ZNF124: variants seen among roughly 807,000 people sequenced by gnomAD.
The protein encoded by ZNF124 is zinc finger protein HZF-16.
Under a neutral mutation model 26.6 loss-of-function variants are expected in ZNF124, and 25 were observed. The ratio of observed to expected loss-of-function variants is 0.94; its 90% confidence interval spans 0.68 to 1.31. The LOEUF (loss-of-function observed/expected upper bound fraction) is 1.31, where lower values mean the gene tolerates loss of function less well. ZNF124 is among the 40% of genes most tolerant of loss of function. ZNF124 has a pLI of 0.00. For missense variants in ZNF124, 444 were observed against 422.2 expected (o/e 1.05, Z -0.45); for synonymous variants, 129 against 133.3 (o/e 0.97, Z 0.22).
chr1:247,132,755 G>A (rs959842484), intron 3 of ZNF124, among the ~76,000 whole-genome samples: 1 of 152,218 alleles, frequency 6.6e-6, no homozygotes, highest in African/African-American at 2.4e-5. Flanking sequence ...AAAGCACTGT[G>A]AAAATCCCTG....
At chr1:247,144,165 A>G (rs961642643) in intron 3 of ZNF124, among the ~76,000 whole-genome samples, 7 of 152,212 alleles carry the variant, frequency 4.6e-5, no homozygotes, top group South Asian at 2.1e-4. Flanking sequence ...TCCATTCTCC[A>G]TATCTCCTGA....
Position 247,159,976 on chromosome 1 carries a change from G to GTTTTTTTTTTTTTTTTTTTTTTTTTT in ZNF124, c.31-164_31-163insAAAAAAAAAAAAAAAAAAAAAAAAAA, listed in dbSNP as rs779659255. 1.6e-5 allele frequency: 4 copies of GTTTTTTTTTTTTTTTTTTTTTTTTTT among 246,280 alleles called. 1 individual carries two copies. Among genetic ancestry groups the GTTTTTTTTTTTTTTTTTTTTTTTTTT allele is most frequent in the Admixed American group, 1.4e-4 (2 of 14,094 alleles). 15.3% of individuals were successfully genotyped at this position (246,280 alleles called of 1,614,324 possible). ...TACACTTCCTTTCTCCCACATAGCA[G>GTTTTTTTTTTTTTTTTTTTTTTTTTT]TTCTTTTTTTTTTTTTTTTTTTTTT... On this transcript the variant is annotated intron_variant, in intron 1 of 3. Transcript: ENST00000543802.
chr1:247,146,942 G>C (rs1195697877), intron 3 of ZNF124, among the ~76,000 whole-genome samples: 1 of 152,112 alleles, frequency 6.6e-6, no homozygotes, highest in East Asian at 1.9e-4. Context: ...GGATGATAAT[G>C]GGAGGTCTGG....
rs536350591 is a variant in ZNF124 at position 247,147,461 on chromosome 1, G to A, written c.218+11545C>T. Among the ~76,000 whole-genome samples, 346 of 152,092 alleles carry A rather than the reference G, an allele frequency of 2.3e-3. 2 individuals carry two copies. Among genetic ancestry groups the A allele is most frequent in the African/African-American group, 8.0e-3 (331 of 41,492 alleles). ...AGGCTGGTCTCGAACTCCTGACCTC[G>A]TGATCCACACGGCTCGGCCTCCCAA... On this transcript the variant is annotated intron_variant, in intron 3 of 3. Transcript: ENST00000472531.
chr1:247,160,126 C>T (rs1673400359), intron 1 of ZNF124, among the ~76,000 whole-genome samples: 1 of 151,976 alleles, frequency 6.6e-6, no homozygotes, highest in South Asian at 2.1e-4. Flanking sequence ...GCTGGGACTA[C>T]AGGCACATGT....
intron 3 of ZNF124, among the ~76,000 whole-genome samples, chr1:247,134,071 AC>A: frequency 6.6e-6 from 1 of 152,302 alleles, no homozygotes; most frequent in Non-Finnish European, 1.5e-5. Flanking sequence ...TTTCGTTACT[AC>A]CAGGCCCGTG....
At chr1:247,140,814 G>C (rs1017623270) in intron 3 of ZNF124, among the ~76,000 whole-genome samples, 2 of 152,154 alleles carry the variant, frequency 1.3e-5, no homozygotes, top group African/African-American at 4.8e-5. Flanking sequence ...GTAGGCTCTT[G>C]CTTGGTCATG....
intron 3 of ZNF124, among the ~76,000 whole-genome samples, chr1:247,124,214 T>G (rs907836009): frequency 6.6e-6 from 1 of 151,896 alleles, no homozygotes; most frequent in South Asian, 2.1e-4. Flanking sequence ...GTGGCTTTTT[T>G]TTTTTTTGAG....
At chr1:247,154,804 G>T (rs977896431), downstream of ZNF124, among the ~76,000 whole-genome samples, 1 of 152,150 alleles carries the variant, frequency 6.6e-6, no homozygotes, top group African/African-American at 2.4e-5. Context: ...TTTGAGACCA[G>T]CCTGGGTGAC....
At chr1:247,158,927 C>T in intron 3 of ZNF124, 79 bp downstream of exon 3, 4 of 1,349,852 alleles carry the variant, frequency 3.0e-6, no homozygotes, top group Non-Finnish European at 4.1e-6. Flanking sequence ...CCATGCCTGG[C>T]CTTGTTTGCT....
intron 3 of ZNF124, among the ~76,000 whole-genome samples, chr1:247,143,508 G>A (rs537940983): frequency 7.2e-5 from 11 of 152,220 alleles, no homozygotes; most frequent in South Asian, 6.2e-4. Flanking sequence ...CTCTAGGATC[G>A]TTTCTAGATT....
chr1:247,134,258 TAAC>T (rs1672434769), intron 3 of ZNF124, among the ~76,000 whole-genome samples: 1 of 152,126 alleles, frequency 6.6e-6, no homozygotes, highest in Non-Finnish European at 1.5e-5. Context: ...ATAATAATAA[TAAC>T]CTTAAATGTA....
At chr1:247,127,617 A>G (rs1672239620) in intron 3 of ZNF124, among the ~76,000 whole-genome samples, 1 of 146,572 alleles carries the variant, frequency 6.8e-6, no homozygotes, top group Admixed American at 7.2e-5. Flanking sequence ...TGTTATCTAT[A>G]GATTCCAGAC....
At chr1:247,131,520 C>G (rs563852397) in intron 3 of ZNF124, among the ~76,000 whole-genome samples, 4 of 152,206 alleles carry the variant, frequency 2.6e-5, no homozygotes, top group Non-Finnish European at 5.9e-5. Context: ...GGGACTCCAA[C>G]TGCCTAACGT....
At chr1:247,153,155 A>G (rs1192629432), downstream of ZNF124, among the ~76,000 whole-genome samples, 2 of 152,066 alleles carry the variant, frequency 1.3e-5, no homozygotes, top group Admixed American at 6.6e-5. Context: ...AAGGTCAAAT[A>G]AAATCCAATA....
chr1:247,149,453 T>C (rs55813682), intron 3 of ZNF124, among the ~76,000 whole-genome samples: 19,939 of 152,144 alleles, frequency 0.13, 1,854 homozygotes, highest in African/African-American at 0.25. Flanking sequence ...ACCTAAATGC[T>C]CATTAATAGA....
intron 3 of ZNF124, among the ~76,000 whole-genome samples, chr1:247,135,997 T>C (rs767172727): frequency 6.6e-6 from 1 of 152,138 alleles, no homozygotes; most frequent in Non-Finnish European, 1.5e-5. Context: ...TTAAAAACTC[T>C]CAATCAACGA....
At position 247,155,888 on chromosome 1, in the gene ZNF124, A is replaced by AT. The variant is rs35204815; in HGVS notation, c.*677dup. On this transcript the variant is annotated 3_prime_UTR_variant, in exon 4 of 4. Coordinates refer to ENST00000543802, the MANE Select transcript of ZNF124 (RefSeq NM_001297568.2). ...AAAAAAAAAAAAAAGTCTCACCTCA[A>AT]TTTTTTTTTTTTCAAAAGAAGTGAA... 25,470 of 679,098 alleles carry AT rather than the reference A, an allele frequency of 0.038. No homozygotes were observed. Among genetic ancestry groups the AT allele is most frequent in the Non-Finnish European group, 0.042 (23,239 of 555,056 alleles). The allele number at this position is 679,098 out of a possible 1,614,324, so 42.1% of individuals were successfully genotyped here.
chr1:247,126,099 A>G (rs1261983042), intron 3 of ZNF124, among the ~76,000 whole-genome samples: 1 of 152,220 alleles, frequency 6.6e-6, no homozygotes, highest in Non-Finnish European at 1.5e-5. Flanking sequence ...CGTCTCTACT[A>G]AAGATACAAA....
Sources: gnomAD v4.1 joint callset for allele counts (sites outside exome capture counted in the v4.1 genomes callset) on GRCh38, gnomAD v4.1.1 for gene constraint, MANE v1.5 for transcripts, NCBI Gene and HGNC (gene_info 2026-07-23, HGNC 2026-07-21) for gene names.